Variants in PTPRD observed in about 807,000 individuals in gnomAD.
The protein encoded by PTPRD is protein tyrosine phosphatase receptor type D.
In PTPRD, 34 loss-of-function variants were observed where a neutral mutation model predicts 214.5. The observed-to-expected ratio is 0.16, with a 90% confidence interval of 0.12 to 0.21. PTPRD has a LOEUF of 0.21. PTPRD is among the 10% of genes least tolerant of loss of function. PTPRD has a pLI of 1.00. For missense variants in PTPRD, 2,545 were observed against 2,398.7 expected (o/e 1.06, Z -1.27); for synonymous variants, 1,128 against 845.7 (o/e 1.33, Z -5.79).
intron 4 of PTPRD, among the ~76,000 whole-genome samples, chr9:9,942,895 GT>G (rs113089194): frequency 0.013 from 1,529 of 119,980 alleles, 12 homozygotes; most frequent in African/African-American, 0.036. Context: ...GCTCTGAGTT[GT>G]TTTTTTTTTT....
At chr9:8,393,080 T>C (rs939314076) in intron 36 of PTPRD, among the ~76,000 whole-genome samples, 3 of 152,142 alleles carry the variant, frequency 2.0e-5, no homozygotes, top group African/African-American at 7.2e-5. Flanking sequence ...TCTTCAGTAG[T>C]TCTTGATTAG....
At chr9:9,279,906 T>C (rs1595071018) in intron 9 of PTPRD, among the ~76,000 whole-genome samples, 1 of 151,312 alleles carries the variant, frequency 6.6e-6, no homozygotes, top group Non-Finnish European at 1.5e-5. Flanking sequence ...TTAAAATGTA[T>C]AGAATATATA....
chr9:10,141,049 AC>A (rs770365307), intron 3 of PTPRD, among the ~76,000 whole-genome samples: 3 of 152,006 alleles, frequency 2.0e-5, no homozygotes, highest in South Asian at 2.1e-4. Flanking sequence ...AAATTCAACA[AC>A]CCTTCATGCT....
At chr9:9,108,505 G>A (rs1047387585) in intron 10 of PTPRD, among the ~76,000 whole-genome samples, 4 of 151,996 alleles carry the variant, frequency 2.6e-5, no homozygotes, top group African/African-American at 9.7e-5. Flanking sequence ...CAAGGTTGAG[G>A]GACTCTCCAG....
chr9:10,269,301 G>A (rs1305083378), intron 3 of PTPRD, among the ~76,000 whole-genome samples: 1 of 152,230 alleles, frequency 6.6e-6, no homozygotes, highest in Non-Finnish European at 1.5e-5. Context: ...GCTTGTGTAT[G>A]TGTATATGCT....
Position 10,511,931 on chromosome 9 carries a change from C to T in PTPRD, c.-600+100467G>A, listed in dbSNP as rs199950057. On this transcript the variant is annotated intron_variant, in intron 2 of 45. Transcript: ENST00000381196. ...ATATATATACGTGTATATATATATA[C>T]GTGTATATATATATACGTGTGTGTA... is the stretch of plus-strand genomic sequence containing the variant. Among the ~76,000 whole-genome samples, 7 of 63,812 alleles carry T rather than the reference C, an allele frequency of 1.1e-4. 1 individual carries two copies. Among genetic ancestry groups the T allele is most frequent in the East Asian group, 9.7e-4 (2 of 2,060 alleles). The allele number at this position is 63,812 out of a possible 152,430, so 41.9% of individuals were successfully genotyped here.
At chr9:8,714,527 T>C (rs545654495) in intron 12 of PTPRD, among the ~76,000 whole-genome samples, 4 of 152,312 alleles carry the variant, frequency 2.6e-5, no homozygotes, top group East Asian at 3.9e-4. Context: ...CTCCCCATTA[T>C]AGGATCTCTG....
intron 31 of PTPRD, among the ~76,000 whole-genome samples, chr9:8,468,164 G>C (rs1163245033): frequency 6.6e-6 from 1 of 151,970 alleles, no homozygotes; most frequent in African/African-American, 2.4e-5. Context: ...ACCCAATGCA[G>C]TCATTCATTA....
At chr9:9,787,115 C>T (rs978335049) in intron 5 of PTPRD, among the ~76,000 whole-genome samples, 4 of 149,984 alleles carry the variant, frequency 2.7e-5, no homozygotes, top group African/African-American at 9.8e-5. Context: ...CCAGCCTGGG[C>T]GACAGAGTGA....
intron 11 of PTPRD, among the ~76,000 whole-genome samples, chr9:8,902,247 C>T (rs1430438549): frequency 2.0e-5 from 3 of 152,134 alleles, no homozygotes; most frequent in Admixed American, 6.5e-5. Context: ...ACAGCAACTT[C>T]ACTGTGACCT....
At chr9:9,819,657 C>T (rs923916821) in intron 5 of PTPRD, among the ~76,000 whole-genome samples, 1 of 151,384 alleles carries the variant, frequency 6.6e-6, no homozygotes, top group Non-Finnish European at 1.5e-5. Flanking sequence ...ATCCCTTGTC[C>T]CCCTCCCTCT....
At chr9:10,427,032 C>T (rs548550084) in intron 2 of PTPRD, among the ~76,000 whole-genome samples, 116 of 152,120 alleles carry the variant, frequency 7.6e-4, no homozygotes, top group Non-Finnish European at 1.3e-3. Context: ...TGTATTATTG[C>T]TGCAAAGAGG....
At chr9:9,720,563 G>A (rs1223286729) in intron 7 of PTPRD, among the ~76,000 whole-genome samples, 1 of 152,128 alleles carries the variant, frequency 6.6e-6, no homozygotes, top group African/African-American at 2.4e-5. Context: ...TAGAAGTGAT[G>A]GGAATAACCT....
At chr9:10,414,874 A>T (rs190152573) in intron 2 of PTPRD, among the ~76,000 whole-genome samples, 1 of 151,820 alleles carries the variant, frequency 6.6e-6, no homozygotes, top group East Asian at 2.0e-4. Context: ...AGTTATAAGA[A>T]TGATGAGAAC....
At chr9:8,913,818 T>C (rs1304877760) in intron 11 of PTPRD, among the ~76,000 whole-genome samples, 1 of 152,146 alleles carries the variant, frequency 6.6e-6, no homozygotes, top group Admixed American at 6.5e-5. Context: ...CAGTGAGGTA[T>C]TGTGATTATG....
intron 33 of PTPRD, among the ~76,000 whole-genome samples, chr9:8,450,915 A>T (rs1426262531): frequency 2.6e-5 from 4 of 152,138 alleles, no homozygotes; most frequent in Non-Finnish European, 5.9e-5. Context: ...CCCCTGCTCA[A>T]AGCAAAGGCG....
chr9:9,795,793 C>A (rs1005716676), intron 5 of PTPRD, among the ~76,000 whole-genome samples: 3 of 152,104 alleles, frequency 2.0e-5, no homozygotes, highest in Non-Finnish European at 4.4e-5. Flanking sequence ...TGTCTTACCA[C>A]ATCTGACACA....
At chr9:10,114,482 C>T (rs1050608823) in intron 3 of PTPRD, among the ~76,000 whole-genome samples, 6 of 152,054 alleles carry the variant, frequency 3.9e-5, no homozygotes, top group African/African-American at 1.2e-4. Context: ...CTCTCTCGCT[C>T]GCTCTCACTC....
intron 9 of PTPRD, among the ~76,000 whole-genome samples, chr9:9,245,832 G>A (rs972887030): frequency 1.3e-5 from 2 of 151,960 alleles, no homozygotes; most frequent in African/African-American, 4.8e-5. Context: ...GAATGTTTTT[G>A]GGAACCTTGA....
Sources: gnomAD v4.1 joint callset for allele counts (sites outside exome capture counted in the v4.1 genomes callset) on GRCh38, gnomAD v4.1.1 for gene constraint, MANE v1.5 for transcripts, NCBI Gene and HGNC (gene_info 2026-07-23, HGNC 2026-07-21) for gene names.